AP3B1: variants seen among roughly 807,000 people sequenced by gnomAD.
AP3B1 encodes the protein AP-3 complex subunit beta-1.
AP3B1 carries 61 observed loss-of-function variants against 132.5 expected under a neutral mutation model. The observed-to-expected ratio is 0.46, with a 90% CI of 0.37 to 0.57. The LOEUF (loss-of-function observed/expected upper bound fraction) is 0.57, where lower values mean the gene tolerates loss of function less well. AP3B1 is among the 20% of genes least tolerant of loss of function. The pLI, the probability that AP3B1 is intolerant of heterozygous loss-of-function variation, is 0.00. For synonymous variants in AP3B1, 388 were observed against 438.3 expected (o/e 0.89, Z 1.43); for missense variants, 1,120 against 1,289.4 (o/e 0.87, Z 2.01).
At chr5:78,020,585 A>G (rs1324017482) in intron 25 of AP3B1, 107 bp downstream of exon 25, 1 of 850,780 alleles carries the variant, frequency 1.2e-6, no homozygotes, top group East Asian at 2.6e-5. Context: ...GTGCACTAAT[A>G]TCTGTTAATG....
At chr5:78,078,277 G>A (rs543747735) in intron 22 of AP3B1, among the ~76,000 whole-genome samples, 3 of 152,030 alleles carry the variant, frequency 2.0e-5, no homozygotes, top group East Asian at 1.9e-4. Flanking sequence ...TAATCATTCC[G>A]GTGCAAATCT....
chr5:78,156,395 A>T, intron 13 of AP3B1, 28 bp from the exon 14 acceptor site: 3 of 1,414,500 alleles, frequency 2.1e-6, no homozygotes, highest in Non-Finnish European at 3.0e-6. Flanking sequence ...TATTCATACT[A>T]AATATGTATA....
intron 7 of AP3B1, among the ~76,000 whole-genome samples, chr5:78,206,474 T>C (rs1401071904): frequency 6.6e-6 from 1 of 152,214 alleles, no homozygotes; most frequent in Non-Finnish European, 1.5e-5. Context: ...TTATGGAGAA[T>C]GTGGTAGAGA....
intron 2 of AP3B1, among the ~76,000 whole-genome samples, chr5:78,265,880 T>G (rs992376576): frequency 1.3e-5 from 2 of 152,246 alleles, no homozygotes; most frequent in Non-Finnish European, 2.9e-5. Context: ...TTATCACTTT[T>G]CATTTCTTTG....
intron 13 of AP3B1, 102 bp downstream of exon 13, chr5:78,162,717 G>T: frequency 7.6e-7 from 1 of 1,324,272 alleles, no homozygotes. Context: ...GATATAACTG[G>T]AAAAGCTAAA....
At chr5:78,088,210 C>G (rs1486671875) in intron 22 of AP3B1, among the ~76,000 whole-genome samples, 1 of 152,044 alleles carries the variant, frequency 6.6e-6, no homozygotes, top group Non-Finnish European at 1.5e-5. Flanking sequence ...TATTTATTAC[C>G]TGAATAAATA....
intron 13 of AP3B1, among the ~76,000 whole-genome samples, chr5:78,158,948 T>C (rs1197496830): frequency 2.6e-5 from 4 of 152,194 alleles, no homozygotes; most frequent in Admixed American, 2.0e-4. Context: ...TCCACCCGCC[T>C]TGGCCTCCCA....
intron 12 of AP3B1, among the ~76,000 whole-genome samples, chr5:78,165,084 G>A (rs1743552415): frequency 6.6e-6 from 1 of 152,006 alleles, no homozygotes; most frequent in Admixed American, 6.6e-5. Context: ...TATTTTGGGG[G>A]GAAATGCAGC....
At chr5:78,250,209 C>A (rs1393775803) in intron 2 of AP3B1, among the ~76,000 whole-genome samples, 4 of 152,054 alleles carry the variant, frequency 2.6e-5, no homozygotes, top group African/African-American at 9.7e-5. Context: ...CAGGGAAGTA[C>A]CCTGAGGACA....
intron 2 of AP3B1, 63 bp downstream of exon 2, chr5:78,267,457 A>T: frequency 2.5e-6 from 2 of 803,572 alleles, no homozygotes; most frequent in Non-Finnish European, 4.1e-6. Context: ...ATATATATAT[A>T]TAATAATATG....
chr5:78,143,336 A>C (rs1580402574), intron 14 of AP3B1, among the ~76,000 whole-genome samples: 2 of 152,290 alleles, frequency 1.3e-5, no homozygotes, highest in South Asian at 4.1e-4. Context: ...CTTTGAAAAA[A>C]TTAAAAATCA....
At chr5:78,157,083 G>T (rs969609397) in intron 13 of AP3B1, among the ~76,000 whole-genome samples, 3 of 152,094 alleles carry the variant, frequency 2.0e-5, no homozygotes, top group Admixed American at 6.5e-5. Context: ...AGGAGATGGT[G>T]GGGGGAGGGC....
In AP3B1 at chr5:78,225,835, A is replaced by C. The variant is rs554908078; in HGVS notation, c.537-227T>G. On this transcript the variant is annotated intron_variant, in intron 5 of 26. Transcript: ENST00000255194. ...TAACTAAACCAGATATCAATGGTTT[A>C]GTTAAGATAGTACTGAAAGAACAAG... 2.6e-5 allele frequency among the ~76,000 whole-genome samples: 4 copies of C among 151,892 alleles called. No individual in the cohort carries two copies. The South Asian group carries it at 8.4e-4, about 32-fold the overall frequency.
At chr5:78,227,175 T>A (rs1746432018) in intron 5 of AP3B1, among the ~76,000 whole-genome samples, 197 bp downstream of exon 5, 1 of 152,120 alleles carries the variant, frequency 6.6e-6, no homozygotes, top group Admixed American at 6.5e-5. Context: ...AAAACCTGCA[T>A]AGGGTCTCTA....
intron 15 of AP3B1, among the ~76,000 whole-genome samples, chr5:78,130,698 C>T (rs2112304074): frequency 6.6e-6 from 1 of 152,074 alleles, no homozygotes; most frequent in South Asian, 2.1e-4. Context: ...AAATGTGGTA[C>T]ACTAAACCAT....
At chr5:78,294,044 CA>C (rs1749645321) in intron 1 of AP3B1, among the ~76,000 whole-genome samples, 1 of 152,122 alleles carries the variant, frequency 6.6e-6, no homozygotes, top group Non-Finnish European at 1.5e-5. Context: ...CTCGCACTCT[CA>C]CCTTCACCAA....
intron 14 of AP3B1, among the ~76,000 whole-genome samples, chr5:78,147,266 T>C (rs1000532053): frequency 6.6e-6 from 1 of 152,146 alleles, no homozygotes; most frequent in African/African-American, 2.4e-5. Context: ...CCTTTTTATC[T>C]TGTTAAATGC....
At chr5:78,096,028 C>A (rs556763041) in intron 21 of AP3B1, among the ~76,000 whole-genome samples, 32 of 152,344 alleles carry the variant, frequency 2.1e-4, no homozygotes, top group African/African-American at 7.5e-4. Flanking sequence ...CCCTTTCCCT[C>A]TCCCTCTCCC....
chr5:78,252,854 A>G (rs1206782291), intron 2 of AP3B1, among the ~76,000 whole-genome samples: 1 of 152,170 alleles, frequency 6.6e-6, no homozygotes, highest in Non-Finnish European at 1.5e-5. Flanking sequence ...CTACCTGCTG[A>G]CTGTAGAGCC....
Sources: gnomAD v4.1 joint callset for allele counts (sites outside exome capture counted in the v4.1 genomes callset) on GRCh38, gnomAD v4.1.1 for gene constraint, MANE v1.5 for transcripts, NCBI Gene and HGNC (gene_info 2026-07-23, HGNC 2026-07-21) for gene names.